The following CABLES2 variants were observed in gnomAD, a reference collection of about 807,000 sequenced individuals.
The protein encoded by CABLES2 is CDK5 and ABL1 enzyme substrate 2.
A neutral mutation model predicts 44.8 loss-of-function variants in CABLES2; 35 were observed. That is an observed-to-expected ratio of 0.78 (90% CI 0.60 to 1.04). The LOEUF is 1.04. Ranked by LOEUF, CABLES2 falls within the 50% of genes least tolerant of loss-of-function variation. The pLI is 0.00. For synonymous variants in CABLES2, 282 were observed against 281.1 expected, an observed-to-expected ratio of 1.00 and a Z score of -0.03; for missense variants, 566 against 615.7, an observed-to-expected ratio of 0.92 and a Z score of 0.85.
intron 1 of CABLES2, chr20:62,403,155 G>C (rs1331523767): frequency 6.6e-6 from 1 of 152,280 alleles, no homozygotes; most frequent in Non-Finnish European, 1.5e-5. Context: ...GTTCGCTTGA[G>C]GGGATGCCAC....
rs543962950 is a variant in CABLES2 at position 62,395,960 on chromosome 20, G to A, written c.527+355C>T. ...GTTTGGTTTATTCAGCCTCTCCTCC[G>A]TGCTCCCAACAAAGCCCAGCCCTCC... On this transcript the variant is annotated intron_variant, in intron 3 of 9. Transcript: ENST00000279101. 9.9e-5 allele frequency among the ~76,000 whole-genome samples: 15 copies of A among 152,284 alleles called. 1 individual carries two copies. The East Asian group carries it at 1.9e-3, about 20-fold the overall frequency.
intron 1 of CABLES2, among the ~76,000 whole-genome samples, chr20:62,398,084 G>T (rs1305886311): frequency 1.7e-4 from 18 of 106,786 alleles, no homozygotes; most frequent in Non-Finnish European, 2.5e-4. Flanking sequence ...TGGTGGTGGT[G>T]GTGACGGTGG....
chr20:62,400,854 A>G (rs1184636379), intron 1 of CABLES2, among the ~76,000 whole-genome samples: 15 of 152,176 alleles, frequency 9.9e-5, no homozygotes, highest in Admixed American at 9.2e-4. Flanking sequence ...ATGCTTTAAA[A>G]TCTGTTCCCA....
At chr20:62,397,955 G>GGCA (rs1384870857) in intron 1 of CABLES2, among the ~76,000 whole-genome samples, 2 of 123,740 alleles carry the variant, frequency 1.6e-5, no homozygotes, top group South Asian at 2.6e-4. Context: ...TGACGGTAGT[G>GGCA]GTGGTGATGG....
At chr20:62,397,420 T>G (rs1294163905) in intron 1 of CABLES2, among the ~76,000 whole-genome samples, 9 of 152,172 alleles carry the variant, frequency 5.9e-5, no homozygotes. Context: ...TTCAGGAGTC[T>G]CCCAGGTGTT....
chr20:62,406,578 C>G (rs930868245), intron 1 of CABLES2, among the ~76,000 whole-genome samples: 4 of 82,544 alleles, frequency 4.8e-5, no homozygotes, highest in Non-Finnish European at 9.8e-5. Context: ...GCCCAGGAAC[C>G]CCCAGTTCTG....
intron 7 of CABLES2, 127 bp downstream of exon 7, chr20:62,392,793 C>T: frequency 1.2e-6 from 1 of 831,480 alleles, no homozygotes; most frequent in Non-Finnish European, 2.0e-6. Context: ...ACTGTCTGTG[C>T]TGCTGCGATC....
At position 62,390,683 on chromosome 20, in the gene CABLES2, A is replaced by C; in HGVS notation, c.*288T>G. 1 of 434,548 alleles carries C rather than the reference A, an allele frequency of 2.3e-6. No individual in the cohort carries two copies. Among genetic ancestry groups the C allele is most frequent in the Non-Finnish European group, 4.3e-6 (1 of 235,088 alleles). The allele number at this position is 434,548 out of a possible 1,614,324, so 26.9% of individuals were successfully genotyped here. On this transcript the variant is annotated 3_prime_UTR_variant, in exon 10 of 10. Transcript: ENST00000279101. ...AAGGTCCTGGTACCAGGCTGGTCTC[A>C]GGCACGTGAAAAAAATACCAGTAAC...
At position 62,391,915 on chromosome 20, in the gene CABLES2, G is replaced by A. The variant is rs889592763; in HGVS notation, c.1092-462C>T. Among the ~76,000 whole-genome samples, 11 of 152,134 alleles carry A rather than the reference G, an allele frequency of 7.2e-5. No homozygotes were observed. Among genetic ancestry groups the A allele is most frequent in the South Asian group, 2.1e-4 (1 of 4,810 alleles). On this transcript the variant is annotated intron_variant, in intron 8 of 9. Transcript: ENST00000279101. This position sits in a 1 kb window ranked among gnomAD's most constrained non-coding sequence, Gnocchi z 5.7. ...CCGACGTGAGCCCAGCAGTTCCGCC[G>A]CCTTCTGCTCGCTTTCCTCCGGTCA...
chr20:62,390,236 G>C lies in CABLES2; in HGVS notation c.*735C>G, dbSNP rs529510851. The C allele has an allele frequency of 2.0e-5, 3 of 152,642 alleles. No homozygotes were observed. In the East Asian group the frequency reaches 5.8e-4, roughly 29 times the overall value. 9.5% of individuals were successfully genotyped at this position (152,642 alleles called of 1,614,324 possible). On this transcript the variant is annotated 3_prime_UTR_variant, in exon 10 of 10. Coordinates refer to ENST00000279101, the MANE Select transcript of CABLES2 (RefSeq NM_031215.3). Reference sequence around the variant, plus strand: ...ATGGGCAGCTGTCTGTTGTGCCGTCGGTCTGTAGGACACAGGGGCGTTAGG... The same window carrying C: ...ATGGGCAGCTGTCTGTTGTGCCGTCCGTCTGTAGGACACAGGGGCGTTAGG...
At chr20:62,394,383 G>T (rs377034212) in intron 4 of CABLES2, 118 bp from the exon 5 acceptor site, 1 of 736,552 alleles carries the variant, frequency 1.4e-6, no homozygotes, top group Non-Finnish European at 2.3e-6. Context: ...ACAGCCCCTC[G>T]GGAAAGAAAG....
chr20:62,399,807 T>G (rs1988155639), intron 1 of CABLES2, among the ~76,000 whole-genome samples: 1 of 150,810 alleles, frequency 6.6e-6, no homozygotes, highest in Non-Finnish European at 1.5e-5. Context: ...TTGGCCAGGC[T>G]GGTCTCGAAC....
chr20:62,394,694 G>A (rs372580148), intron 4 of CABLES2, among the ~76,000 whole-genome samples: 3 of 152,366 alleles, frequency 2.0e-5, no homozygotes, highest in African/African-American at 7.2e-5. Context: ...AGGTGGGACA[G>A]CCCAGCCACC....
chr20:62,396,856 T>TAGCAC lies in CABLES2; in HGVS notation c.363-269_363-265dup, dbSNP rs757855078. 3.3e-5 allele frequency among the ~76,000 whole-genome samples: 5 copies of TAGCAC among 152,026 alleles called. No homozygotes were observed. The highest frequency in any genetic ancestry group is 7.2e-5 in the African/African-American group (3 of 41,410). Reference sequence around the variant, plus strand: ...GGGGACAGGCTCCTCAGGCATAGGATAGCACAGCACAGCACAGCACGCCAA... The same window carrying TAGCAC: ...GGGGACAGGCTCCTCAGGCATAGGATAGCACAGCACAGCACAGCACAGCACGCCAA... On this transcript the variant is annotated intron_variant, in intron 1 of 9. Coordinates refer to ENST00000279101, the MANE Select transcript of CABLES2 (RefSeq NM_031215.3). The surrounding 1 kb of genome is among the most constrained non-coding windows in gnomAD (Gnocchi z 5.7).
chr20:62,396,110 C>T lies in CABLES2; in HGVS notation c.527+205G>A, dbSNP rs1988013528. Among the ~76,000 whole-genome samples the T allele has an allele frequency of 3.3e-5, 5 of 152,204 alleles. No homozygotes were observed. Among genetic ancestry groups the T allele is most frequent in the Admixed American group, 3.3e-4 (5 of 15,282 alleles). On this transcript the variant is annotated intron_variant, in intron 3 of 9. Coordinates refer to ENST00000279101, the MANE Select transcript of CABLES2 (RefSeq NM_031215.3). This position sits in a 1 kb window ranked among gnomAD's most constrained non-coding sequence, Gnocchi z 5.7. ...TGGGAGCCCAGAGAGGGTGATCTCGCTGTGGTGACACCAGGGACCTGCGGG... is the reference window on the plus strand; with the variant it reads ...TGGGAGCCCAGAGAGGGTGATCTCGTTGTGGTGACACCAGGGACCTGCGGG...
Position 62,391,176 on chromosome 20 carries a change from A to G in CABLES2, c.1297-65T>C. ...CCTCTTCCACATTTCCCACCCGGCC[A>G]GCCCCATCCCAGCAGTGGCCCTGGC... is the stretch of plus-strand genomic sequence containing the variant. On this transcript the variant is annotated intron_variant, in intron 9 of 9. Coordinates refer to ENST00000279101, the MANE Select transcript of CABLES2 (RefSeq NM_031215.3). This position sits in a 1 kb window ranked among gnomAD's most constrained non-coding sequence, Gnocchi z 5.7. The G allele has an allele frequency of 3.1e-6, 5 of 1,605,006 alleles. No individual in the cohort carries two copies. Among genetic ancestry groups the G allele is most frequent in the Non-Finnish European group, 3.4e-6 (4 of 1,173,270 alleles).
At chr20:62,398,233 G>GT in intron 1 of CABLES2, among the ~76,000 whole-genome samples, 1 of 126,632 alleles carries the variant, frequency 7.9e-6, no homozygotes, top group African/African-American at 3.2e-5. Context: ...TGGTGGTGAC[G>GT]GTGGTGATGA....
At position 62,389,122 on chromosome 20, in the gene CABLES2, G is replaced by C. The variant is rs887639051; in HGVS notation, c.*1849C>G. The C allele has an allele frequency of 6.5e-6, 1 of 153,656 alleles. No individual in the cohort carries two copies. The highest frequency in any genetic ancestry group is 2.4e-5 in the African/African-American group (1 of 41,456). 9.5% of individuals were successfully genotyped at this position (153,656 alleles called of 1,614,324 possible). On this transcript the variant is annotated 3_prime_UTR_variant, in exon 10 of 10. Transcript: ENST00000279101. ...AGGTTGTAAACTGCAACAGTTACTA[G>C]GAAGTCAGTCCTTTACATGCTCGTA...
In CABLES2 at chr20:62,392,915, C is replaced by G; in HGVS notation, c.984+5G>C. ...TGCACCCAGGCCCTGGGAGAGGGCA[C>G]TCACCATGTACGACGCAAAGATGAG... On this transcript the variant is annotated splice_donor_5th_base_variant and intron_variant, in intron 7 of 9. Coordinates refer to ENST00000279101, the MANE Select transcript of CABLES2 (RefSeq NM_031215.3). 2 of 1,613,162 alleles carry G rather than the reference C, an allele frequency of 1.2e-6. No homozygotes were observed. Among genetic ancestry groups the G allele is most frequent in the African/African-American group, 2.7e-5 (2 of 75,052 alleles).
Sources: gnomAD v4.1 joint callset for allele counts (sites outside exome capture counted in the v4.1 genomes callset) on GRCh38, gnomAD v4.1.1 for gene constraint, Gnocchi (gnomAD v3.1) non-coding constraint, MANE v1.5 for transcripts, NCBI Gene and HGNC (gene_info 2026-07-23, HGNC 2026-07-21) for gene names.